CFAP144: variants seen among roughly 807,000 people sequenced by gnomAD.
CFAP144 encodes cilia- and flagella-associated protein 144.
chr1:43,147,887 G>A, the CFAP144 span: 1 of 1,592,186 alleles, frequency 6.3e-7, no homozygotes, highest in Non-Finnish European at 8.5e-7. Context: ...CCTGGAGACA[G>A]CGGGGACGCG....
the CFAP144 span, among the ~76,000 whole-genome samples, chr1:43,148,455 C>T: frequency 2.6e-5 from 4 of 152,086 alleles, no homozygotes; most frequent in South Asian, 4.1e-4. Flanking sequence ...TATTGCCCTT[C>T]GGAAAGTTCT....
chr1:43,144,832 G>A, the CFAP144 span, among the ~76,000 whole-genome samples: 1 of 151,692 alleles, frequency 6.6e-6, no homozygotes, highest in Non-Finnish European at 1.5e-5. Context: ...ACTCCCAATC[G>A]AGCCACCCCC....
At chr1:43,151,323 T>G in the CFAP144 span, among the ~76,000 whole-genome samples, 2 of 152,214 alleles carry the variant, frequency 1.3e-5, no homozygotes, top group East Asian at 3.8e-4. Flanking sequence ...ATTAGTCCCA[T>G]GATTATTTTC....
the CFAP144 span, among the ~76,000 whole-genome samples, chr1:43,143,921 C>A: frequency 6.6e-6 from 1 of 152,242 alleles, no homozygotes. Context: ...TTTGTCACCC[C>A]CTGCCCACCT....
At chr1:43,149,938 G>C in the CFAP144 span, among the ~76,000 whole-genome samples, 1 of 152,076 alleles carries the variant, frequency 6.6e-6, no homozygotes, top group Non-Finnish European at 1.5e-5. Context: ...TCTCCATCCA[G>C]CTCACTCCAC....
chr1:43,151,756 C>T, the CFAP144 span, among the ~76,000 whole-genome samples: 8 of 152,138 alleles, frequency 5.3e-5, no homozygotes, highest in South Asian at 2.1e-4. Flanking sequence ...CAGATGACCG[C>T]GGCTGGGATG....
chr1:43,147,982 C>A, the CFAP144 span: 1 of 1,613,906 alleles, frequency 6.2e-7, no homozygotes, highest in Non-Finnish European at 8.5e-7. Context: ...GAAGGTGATT[C>A]CAGATGAGGT....
chr1:43,149,419 T>C, the CFAP144 span, among the ~76,000 whole-genome samples: 1 of 152,250 alleles, frequency 6.6e-6, no homozygotes, highest in Non-Finnish European at 1.5e-5. Context: ...CCACTTTACC[T>C]GCATAAACAT....
the CFAP144 span, chr1:43,148,179 C>G: frequency 7.7e-7 from 1 of 1,299,640 alleles, no homozygotes; most frequent in East Asian, 2.4e-5. Context: ...GCGGTCCCAG[C>G]AAAAACTCTT....
At chr1:43,145,467 A>G in the CFAP144 span, among the ~76,000 whole-genome samples, 1 of 152,222 alleles carries the variant, frequency 6.6e-6, no homozygotes, top group Non-Finnish European at 1.5e-5. Flanking sequence ...CATCCCAAGG[A>G]CGTTCTGCCC....
At chr1:43,147,921 C>T in the CFAP144 span, 3 of 1,611,624 alleles carry the variant, frequency 1.9e-6, no homozygotes, top group African/African-American at 4.0e-5. Context: ...GTGGAAGGCC[C>T]AGGCAAGAGG....
the CFAP144 span, chr1:43,152,793 C>T: frequency 6.4e-7 from 1 of 1,564,802 alleles, no homozygotes; most frequent in East Asian, 2.3e-5. Context: ...GGTCCCAAAG[C>T]CTGACTCCTT....
the CFAP144 span, chr1:43,147,944 C>T: frequency 6.2e-7 from 1 of 1,613,706 alleles, no homozygotes; most frequent in Non-Finnish European, 8.5e-7. Context: ...GCGTGGCAGC[C>T]CAAGGCCATG....
At chr1:43,144,352 G>A in the CFAP144 span, among the ~76,000 whole-genome samples, 8 of 152,142 alleles carry the variant, frequency 5.3e-5, no homozygotes, top group Non-Finnish European at 1.0e-4. Flanking sequence ...TCAGTTAGGG[G>A]ATGATGTGAG....
At chr1:43,154,100 A>ATATATG in the CFAP144 span, among the ~76,000 whole-genome samples, 5 of 95,514 alleles carry the variant, frequency 5.2e-5, no homozygotes, top group African/African-American at 1.9e-4. Context: ...ATATATATAT[A>ATATATG]CTCTCTTTTT....
chr1:43,150,648 GT>G, the CFAP144 span: 2 of 858,224 alleles, frequency 2.3e-6, no homozygotes, highest in South Asian at 3.0e-5. Flanking sequence ...TACCTGGCAT[GT>G]ACCAGATACT....
the CFAP144 span, among the ~76,000 whole-genome samples, chr1:43,144,698 G>C: frequency 2.6e-5 from 4 of 152,062 alleles, no homozygotes; most frequent in East Asian, 1.9e-4. Flanking sequence ...CTCTTCCTCT[G>C]TGGGTTTTAA....
the CFAP144 span, among the ~76,000 whole-genome samples, chr1:43,144,212 C>A: frequency 6.6e-6 from 1 of 152,194 alleles, no homozygotes; most frequent in African/African-American, 2.4e-5. Flanking sequence ...ATTAATACTA[C>A]AGCCCCATTT....
the CFAP144 span, chr1:43,152,677 A>T: frequency 1.4e-6 from 1 of 721,404 alleles, no homozygotes; most frequent in Admixed American, 3.0e-5. Context: ...AGATGAGTGG[A>T]GAGACCAGAC....
Sources: allele counts gnomAD v4.1 joint callset (sites outside exome capture counted in the v4.1 genomes callset), GRCh38; gene constraint gnomAD v4.1.1; transcripts MANE v1.5; gene names NCBI Gene and HGNC (gene_info 2026-07-23, HGNC 2026-07-21).